Variants in SH3RF1 observed in about 807,000 individuals in gnomAD.
SH3RF1 encodes the protein SH3 domain containing ring finger 1, also known as E3 ubiquitin-protein ligase SH3RF1.
A neutral mutation model predicts 74.0 loss-of-function variants in SH3RF1; 32 were observed. The ratio of observed to expected loss-of-function variants is 0.43; its 90% CI spans 0.33 to 0.58. The LOEUF (loss-of-function observed/expected upper bound fraction) is 0.58, where lower values mean the gene tolerates loss of function less well. Ranked by LOEUF, SH3RF1 falls within the 20% of genes least tolerant of loss-of-function variation. SH3RF1 has a pLI of 0.05. For synonymous variants in SH3RF1, 396 were observed against 439.6 expected, an observed-to-expected ratio of 0.90 and a Z score of 1.24; for missense variants, 954 against 1,130.9, an observed-to-expected ratio of 0.84 and a Z score of 2.24.
At chr4:169,263,331 C>G (rs1042220557) in intron 2 of SH3RF1, among the ~76,000 whole-genome samples, 1 of 152,244 alleles carries the variant, frequency 6.6e-6, no homozygotes, top group African/African-American at 2.4e-5. Flanking sequence ...GCTTCACTAT[C>G]TGCTGCCTTA....
intron 4 of SH3RF1, among the ~76,000 whole-genome samples, chr4:169,140,985 CT>C (rs35916240): frequency 0.13 from 16,621 of 132,478 alleles, 1,077 homozygotes; most frequent in South Asian, 0.19. Flanking sequence ...TTTTTCTTTT[CT>C]TTTTTTTTTT....
intron 4 of SH3RF1, among the ~76,000 whole-genome samples, chr4:169,142,346 G>A (rs1400292272): frequency 1.3e-5 from 2 of 152,072 alleles, no homozygotes; most frequent in African/African-American, 4.8e-5. Flanking sequence ...TAAAAATAAT[G>A]TTCTAATTTG....
At chr4:169,198,126 G>T (rs573302338) in intron 2 of SH3RF1, among the ~76,000 whole-genome samples, 1 of 152,252 alleles carries the variant, frequency 6.6e-6, no homozygotes, top group Non-Finnish European at 1.5e-5. Flanking sequence ...TTTGTGAGTT[G>T]GAGAAAAAGG....
intron 2 of SH3RF1, among the ~76,000 whole-genome samples, chr4:169,212,664 G>C (rs902332039): frequency 6.6e-6 from 1 of 152,020 alleles, no homozygotes; most frequent in African/African-American, 2.4e-5. Context: ...CTAACCAAAG[G>C]GGTACATTTC....
chr4:169,137,452 AC>A (rs1489638938), intron 4 of SH3RF1, among the ~76,000 whole-genome samples: 1 of 152,230 alleles, frequency 6.6e-6, no homozygotes, highest in Non-Finnish European at 1.5e-5. Context: ...AGCTTCAGTG[AC>A]AATAAGCTGC....
intron 2 of SH3RF1, among the ~76,000 whole-genome samples, chr4:169,255,644 C>CACACACAA (rs1426643148): frequency 6.6e-6 from 1 of 151,454 alleles, no homozygotes; most frequent in Admixed American, 6.6e-5. Context: ...CACACACACA[C>CACACACAA]ACACACACAC....
Position 169,096,614 on chromosome 4 carries a change from C to G in SH3RF1, c.2572G>C (p.Val858Leu). 6.2e-7 allele frequency: 1 copy of G among 1,614,112 alleles called. No individual in the cohort carries two copies. ...LELKEGDIVF[V>L]HKKREDGWFK... Reference sequence around the variant, plus strand: ...CAGCCATCCTCTCGTTTTTTATGAACAAACACAATATCTCCTTCTTTAAGT... The same window carrying G: ...CAGCCATCCTCTCGTTTTTTATGAAGAAACACAATATCTCCTTCTTTAAGT... Residue 858 changes from valine (V) to leucine (L), a missense_variant, in exon 12 of 12, where the codon GTT becomes CTT. Transcript: ENST00000284637.
intron 2 of SH3RF1, among the ~76,000 whole-genome samples, chr4:169,209,718 A>G (rs1013369972): frequency 3.3e-5 from 5 of 152,224 alleles, no homozygotes; most frequent in African/African-American, 1.2e-4. Flanking sequence ...AAGATAGATA[A>G]CACTGTAATG....
intron 2 of SH3RF1, among the ~76,000 whole-genome samples, chr4:169,212,760 T>C (rs2660416): frequency 0.069 from 10,499 of 152,292 alleles, 401 homozygotes; most frequent in Admixed American, 0.1. Context: ...TTCTATGCCA[T>C]GGTTTTGGAA....
chr4:169,164,020 C>A (rs1279947277), intron 2 of SH3RF1, among the ~76,000 whole-genome samples: 1 of 152,212 alleles, frequency 6.6e-6, no homozygotes, highest in East Asian at 1.9e-4. Flanking sequence ...CAGGACCCAG[C>A]CCAGGCATTG....
rs1554005728 is a variant in SH3RF1 at position 169,146,055 on chromosome 4, T to TTATATATTC, written c.765+9416_765+9424dup. Among the ~76,000 whole-genome samples, 16 of 87,236 alleles carry TTATATATTC rather than the reference T, an allele frequency of 1.8e-4. 4 individuals carry two copies. Among genetic ancestry groups the TTATATATTC allele is most frequent in the Non-Finnish European group, 3.7e-4 (15 of 40,200 alleles). 57.2% of individuals were successfully genotyped at this position (87,236 alleles called of 152,430 possible). A position where few individuals can be genotyped will look rare whatever the true frequency, so the allele number is the denominator to read the frequency against. ...TATTCTATATATTCTATATAAAATA[T>TTATATATTC]TATATATTCTATATAAAATATTATA... On this transcript the variant is annotated intron_variant, in intron 4 of 11. Transcript: ENST00000284637.
chr4:169,157,748 T>C (rs1208229263), intron 2 of SH3RF1, among the ~76,000 whole-genome samples: 2 of 68,320 alleles, frequency 2.9e-5, no homozygotes, highest in African/African-American at 6.9e-5. Flanking sequence ...TTTTTTTTTC[T>C]TTTTTTTTTT....
chr4:169,231,363 C>G lies in SH3RF1; in HGVS notation c.393+37457G>C, dbSNP rs547675037. ...CAGGCAGATCACGAGGTCAGGAGTTCGAGACCAGCCTGACCAATATGGTGA... is the reference window on the plus strand; with the variant it reads ...CAGGCAGATCACGAGGTCAGGAGTTGGAGACCAGCCTGACCAATATGGTGA... On this transcript the variant is annotated intron_variant, in intron 2 of 11. Transcript: ENST00000284637. Among the ~76,000 whole-genome samples the G allele has an allele frequency of 5.9e-5, 9 of 152,158 alleles. No homozygotes were observed. In the South Asian group the frequency reaches 1.9e-3, roughly 32 times the overall value.
Position 169,109,498 on chromosome 4 carries a change from G to C in SH3RF1, c.2140-2293C>G, listed in dbSNP as rs1358861876. On this transcript the variant is annotated intron_variant, in intron 10 of 11. Coordinates refer to ENST00000284637, the MANE Select transcript of SH3RF1 (RefSeq NM_020870.4). ...GCAGAGGATTAGGAATCATGGCAGGGCACAAGGGGTAAGGGGTGGGAGGTG... is the reference window on the plus strand; with the variant it reads ...GCAGAGGATTAGGAATCATGGCAGGCCACAAGGGGTAAGGGGTGGGAGGTG... Among the ~76,000 whole-genome samples the C allele has an allele frequency of 2.0e-5, 3 of 152,190 alleles. No homozygotes were observed. In the East Asian group the frequency reaches 5.8e-4, roughly 29 times the overall value.
At chr4:169,199,044 C>A (rs1169779652) in intron 2 of SH3RF1, among the ~76,000 whole-genome samples, 1 of 152,034 alleles carries the variant, frequency 6.6e-6, no homozygotes, top group Non-Finnish European at 1.5e-5. Context: ...GAAAAGGAAG[C>A]AAATAAATTG....
chr4:169,169,380 T>C (rs184149289), intron 2 of SH3RF1, among the ~76,000 whole-genome samples: 256 of 152,218 alleles, frequency 1.7e-3, no homozygotes, highest in African/African-American at 5.8e-3. Context: ...GCGGATCATA[T>C]GAGGTCAGGA....
At chr4:169,108,713 G>A (rs749388246) in intron 10 of SH3RF1, among the ~76,000 whole-genome samples, 2 of 152,200 alleles carry the variant, frequency 1.3e-5, no homozygotes, top group Non-Finnish European at 2.9e-5. Context: ...CTCATTCAAT[G>A]CCACATTTTC....
In SH3RF1 at chr4:169,268,962, C is replaced by T. The variant is rs761064842; in HGVS notation, c.251G>A (p.Gly84Asp). 6.2e-7 allele frequency: 1 copy of T among 1,614,152 alleles called. No individual in the cohort carries two copies. The highest frequency in any genetic ancestry group is 1.1e-5 in the South Asian group (1 of 91,072). The change falls in exon 2 of 12, where the codon GGT becomes GAT. Residue 84 changes from glycine to aspartate, a missense_variant. Coordinates refer to ENST00000284637, the MANE Select transcript of SH3RF1 (RefSeq NM_020870.4). ...DGIKQRPWKPGPGGGSGTNCT... is the reference protein window; with the variant it reads ...DGIKQRPWKPDPGGGSGTNCT... ...GTTGGTCCCACTTCCCCCACCAGGA[C>T]CAGGTTTCCAAGGCCTCTGTTTGAT...
rs1214599901 is a variant in SH3RF1 at position 169,122,240 on chromosome 4, G to T, written c.1206C>A (p.Pro402=). 1 of 1,607,480 alleles carries T rather than the reference G, an allele frequency of 6.2e-7. No homozygotes were observed. Among genetic ancestry groups the T allele is most frequent in the Non-Finnish European group, 8.5e-7 (1 of 1,176,570 alleles). ...LGTLNPPLPP[P]PLLAATVLAS... is the part of the protein sequence containing the mutation. The stretch of plus-strand genomic sequence containing the variant: ...CAAGGACAGTGGCAGCCAGGAGAGG[G>T]GGTGGTGGAAGAGGAGGATTCAAAG... Residue 402 remains proline (P), a synonymous_variant, in exon 7 of 12, where the codon CCC becomes CCA. Transcript: ENST00000284637.
Sources: gnomAD v4.1 joint callset for allele counts (sites outside exome capture counted in the v4.1 genomes callset) on GRCh38, gnomAD v4.1.1 for gene constraint, MANE v1.5 for transcripts, NCBI Gene and HGNC (gene_info 2026-07-23, HGNC 2026-07-21) for gene names.